SLC38A8: variants seen among roughly 807,000 people sequenced by gnomAD.
SLC38A8 encodes amino acid transporter SLC38A8.
Under a neutral mutation model 46.0 loss-of-function variants are expected in SLC38A8, and 65 were observed. The ratio of observed to expected loss-of-function variants is 1.41; its 90% CI spans 1.16 to 1.74. The LOEUF is 1.74. Among genes scored for constraint, SLC38A8 ranks in the 40% most tolerant of loss-of-function variants. The pLI, the probability that SLC38A8 is intolerant of heterozygous loss-of-function variation, is 0.00. For missense variants in SLC38A8, 998 were observed against 567.9 expected, an observed-to-expected ratio of 1.76 and a Z score of -7.70; for synonymous variants, 447 against 243.7, an observed-to-expected ratio of 1.83 and a Z score of -7.77.
At chr16:84,015,146 G>C (rs1412146438) in intron 9 of SLC38A8, among the ~76,000 whole-genome samples, 1 of 152,090 alleles carries the variant, frequency 6.6e-6, no homozygotes, top group South Asian at 2.1e-4. Context: ...GTCCACTCAC[G>C]GAACACGCAC....
At position 84,036,772 on chromosome 16, in the gene SLC38A8, G is replaced by C. The variant is rs138805126; in HGVS notation, c.318C>G (p.Ala106=). ...TCATGAGCAGGTTGAGGAGGAAGCA[G>C]GCCTCACACAGCTTCCCAATGGCAG... ...CGPAIGKLCE[A]CFLLNLLMIS... The change falls in exon 3 of 11, where the codon GCC becomes GCG. Residue 106 remains alanine (A), a synonymous_variant. Transcript: ENST00000299709. The C allele has an allele frequency of 1.1e-5, 18 of 1,614,244 alleles. No homozygotes were observed. Among genetic ancestry groups the C allele is most frequent in the Non-Finnish European group, 1.5e-5 (18 of 1,180,046 alleles).
chr16:84,029,426 C>T (rs1204280189), intron 6 of SLC38A8, 68 bp downstream of exon 6: 2 of 1,558,864 alleles, frequency 1.3e-6, no homozygotes, highest in African/African-American at 2.7e-5. Flanking sequence ...CAAGGTTTCC[C>T]AAGGGAGCAG....
chr16:84,028,061 T>C (rs76249192), intron 6 of SLC38A8, among the ~76,000 whole-genome samples: 186 of 146,264 alleles, frequency 1.3e-3, no homozygotes, highest in Non-Finnish European at 2.2e-3. Context: ...TTTTTTTTTT[T>C]CCTAAAAAGG....
At chr16:84,038,422 C>G (rs186369681) in intron 2 of SLC38A8, among the ~76,000 whole-genome samples, 10 of 152,194 alleles carry the variant, frequency 6.6e-5, no homozygotes, top group Admixed American at 1.3e-4. Flanking sequence ...GCTTTGACTC[C>G]TCTACCCTTC....
chr16:84,025,072 G>C (rs1321712629), intron 6 of SLC38A8, among the ~76,000 whole-genome samples: 1 of 152,322 alleles, frequency 6.6e-6, no homozygotes, highest in Non-Finnish European at 1.5e-5. Flanking sequence ...GTGGACATTG[G>C]TGATTCACGA....
intron 10 of SLC38A8, among the ~76,000 whole-genome samples, chr16:84,012,168 A>T (rs1395469717): frequency 6.6e-6 from 1 of 152,166 alleles, no homozygotes; most frequent in African/African-American, 2.4e-5. Flanking sequence ...AAACTAATAC[A>T]TCATCTCTTT....
intron 2 of SLC38A8, among the ~76,000 whole-genome samples, chr16:84,040,658 G>A (rs1265534711): frequency 2.0e-5 from 3 of 152,172 alleles, no homozygotes; most frequent in African/African-American, 4.8e-5. Flanking sequence ...AAACGCAGGC[G>A]TGCTGCCCCG....
chr16:84,042,248 G>C, intron 1 of SLC38A8, 89 bp from the exon 2 acceptor site: 1 of 1,423,582 alleles, frequency 7.0e-7, no homozygotes, highest in Admixed American at 2.3e-5. Context: ...CCCCAACTCA[G>C]TGAGAGCTCC....
rs988746615 is a variant in SLC38A8 at position 84,042,477 on chromosome 16, C to T, written c.-3+74G>A. 7 of 242,608 alleles carry T rather than the reference C, an allele frequency of 2.9e-5. No individual in the cohort carries two copies. The East Asian group carries it at 6.2e-4, about 22-fold the overall frequency. The allele number at this position is 242,608 out of a possible 1,614,324, so 15.0% of individuals were successfully genotyped here. ...TCCTCATCCCCATCAATCCTCTCTC[C>T]CCCCATTCCCATCCACTCCCTTTGC... is the stretch of plus-strand genomic sequence containing the variant. On this transcript the variant is annotated intron_variant, in intron 1 of 10. Coordinates refer to ENST00000299709, the MANE Select transcript of SLC38A8 (RefSeq NM_001080442.3).
chr16:84,028,818 T>C (rs999618465), intron 6 of SLC38A8, among the ~76,000 whole-genome samples: 3 of 152,012 alleles, frequency 2.0e-5, no homozygotes, highest in South Asian at 2.1e-4. Context: ...CTGTCCTCTC[T>C]ACCTGGGGTG....
At chr16:84,043,289 C>T (rs934357154), upstream of SLC38A8, among the ~76,000 whole-genome samples, 2 of 152,200 alleles carry the variant, frequency 1.3e-5, no homozygotes, top group Admixed American at 6.5e-5. Context: ...GACAGAATAT[C>T]GGAGACGGCC....
At chr16:84,020,869 G>T (rs540769592) in intron 7 of SLC38A8, among the ~76,000 whole-genome samples, 2 of 152,134 alleles carry the variant, frequency 1.3e-5, no homozygotes, top group African/African-American at 4.8e-5. Flanking sequence ...TCCTATACGC[G>T]CTGCACTCTA....
At chr16:84,029,455 T>C (rs1365684209) in intron 6 of SLC38A8, 39 bp downstream of exon 6, 1 of 1,611,302 alleles carries the variant, frequency 6.2e-7, no homozygotes, top group Non-Finnish European at 8.5e-7. Flanking sequence ...CCACAGCCTC[T>C]GCAAACGCCA....
chr16:84,016,747 CAG>C lies in SLC38A8; in HGVS notation c.954-22_954-21del, dbSNP rs1296549189. ...ACTGACCTGGAGGCCACAGCCAACA[CAG>C]ACACATGGGCATCTCAGGGGCACCA... On this transcript the variant is annotated intron_variant, in intron 8 of 10. Coordinates refer to ENST00000299709, the MANE Select transcript of SLC38A8 (RefSeq NM_001080442.3). 1.2e-6 allele frequency: 2 copies of C among 1,606,486 alleles called. No individual in the cohort carries two copies. Among genetic ancestry groups the C allele is most frequent in the Non-Finnish European group, 1.7e-6 (2 of 1,176,228 alleles).
chr16:84,012,005 C>A (rs1055096881), intron 10 of SLC38A8, among the ~76,000 whole-genome samples: 3 of 152,172 alleles, frequency 2.0e-5, no homozygotes, highest in Non-Finnish European at 2.9e-5. Context: ...CACCTGGGGC[C>A]ACCAGAAGCT....
chr16:84,028,624 A>C lies in SLC38A8; in HGVS notation c.690+870T>G, dbSNP rs865852837. ...GCAGTGTCTGCTTCCACCTGCTAGG[A>C]GGGCTGCGGGAACCCATGACAGCCC... On this transcript the variant is annotated intron_variant, in intron 6 of 10. Transcript: ENST00000299709. 1.5e-4 allele frequency among the ~76,000 whole-genome samples: 22 copies of C among 150,956 alleles called. 1 individual carries two copies. The highest frequency in any genetic ancestry group is 3.5e-3 in the Middle Eastern group (1 of 284).
At chr16:84,010,261 G>C (rs906796280) in intron 10 of SLC38A8, among the ~76,000 whole-genome samples, 1 of 151,846 alleles carries the variant, frequency 6.6e-6, no homozygotes, top group Admixed American at 6.6e-5. Context: ...AGTAGAGATG[G>C]AGTTTCATCA....
chr16:84,011,241 T>G (rs773605052), intron 10 of SLC38A8, among the ~76,000 whole-genome samples: 1 of 152,244 alleles, frequency 6.6e-6, no homozygotes, highest in South Asian at 2.1e-4. Context: ...GTTTTAACGA[T>G]AAAAATATCT....
chr16:84,021,876 G>A (rs1205784088), intron 7 of SLC38A8, among the ~76,000 whole-genome samples: 1 of 152,260 alleles, frequency 6.6e-6, no homozygotes, highest in Non-Finnish European at 1.5e-5. Flanking sequence ...GGACTTTGCA[G>A]AGCCCTGAAG....
Sources: gnomAD v4.1 joint callset for allele counts (sites outside exome capture counted in the v4.1 genomes callset) on GRCh38, gnomAD v4.1.1 for gene constraint, MANE v1.5 for transcripts, NCBI Gene and HGNC (gene_info 2026-07-23, HGNC 2026-07-21) for gene names.